Variants in ESRRG observed in about 807,000 individuals in gnomAD.
ESRRG encodes the protein estrogen-related receptor gamma.
A neutral mutation model predicts 44.0 loss-of-function variants in ESRRG; 13 were observed. The ratio of observed to expected loss-of-function variants is 0.30; its 90% CI spans 0.19 to 0.47. The LOEUF is 0.47. Ranked by LOEUF, ESRRG falls within the 20% of genes least tolerant of loss-of-function variation. The pLI is 1.00. For missense variants in ESRRG, 395 were observed against 580.6 expected (o/e 0.68, Z 3.29); for synonymous variants, 215 against 214.6 (o/e 1.00, Z -0.02).
At chr1:216,762,655 T>C (rs907137340) in intron 2 of ESRRG, among the ~76,000 whole-genome samples, 1 of 151,880 alleles carries the variant, frequency 6.6e-6, no homozygotes, top group Non-Finnish European at 1.5e-5. Context: ...TGTATACATA[T>C]GTAACTAACC....
In ESRRG at chr1:216,504,537, TGGGTTGATGTTTCATCAACCCA is replaced by T. The variant is rs1413848121; in HGVS notation, c.*2380_*2401del. 6.6e-6 allele frequency: 1 copy of T among 152,594 alleles called. No individual in the cohort carries two copies. Among genetic ancestry groups the T allele is most frequent in the African/African-American group, 2.4e-5 (1 of 41,462 alleles). The allele number at this position is 152,594 out of a possible 1,614,324, so 9.5% of individuals were successfully genotyped here. The stretch of plus-strand genomic sequence containing the variant: ...GATAGATACACAGTATTCCTAGCAC[TGGGTTGATGTTTCATCAACCCA>T]AGGTATTTTGTTTAAAGCACACAAA... On this transcript the variant is annotated 3_prime_UTR_variant, in exon 7 of 7. Transcript: ENST00000408911.
chr1:216,736,788 A>G (rs1400836201), intron 2 of ESRRG, among the ~76,000 whole-genome samples: 1 of 152,148 alleles, frequency 6.6e-6, no homozygotes, highest in Non-Finnish European at 1.5e-5. Flanking sequence ...CTACTGGGTC[A>G]GAAACTCTGG....
intron 2 of ESRRG, among the ~76,000 whole-genome samples, chr1:216,779,681 A>G (rs116824451): frequency 0.011 from 1,640 of 147,070 alleles, 26 homozygotes; most frequent in Non-Finnish European, 0.015. Flanking sequence ...TAGATTTAAA[A>G]CTATTTTAGC....
chr1:216,931,846 A>C (rs895011085), intron 2 of ESRRG, among the ~76,000 whole-genome samples: 4 of 151,990 alleles, frequency 2.6e-5, no homozygotes, highest in Non-Finnish European at 4.4e-5. Flanking sequence ...AAAAAAAAAA[A>C]AAAACACAAA....
rs551211581 is a variant in ESRRG at position 216,992,188 on chromosome 1, TGTCA to T, written c.-105-52519_-105-52516del. Among the ~76,000 whole-genome samples the T allele has an allele frequency of 2.0e-3, 311 of 152,358 alleles. 1 individual carries two copies. Among genetic ancestry groups the T allele is most frequent in the African/African-American group, 7.1e-3 (297 of 41,576 alleles). ...ACACACAGTGCTTAAGCTTCCAAGC[TGTCA>T]GTCTTTGTGACTCCCCTTCAGTGAT... On this transcript the variant is annotated intron_variant, in intron 1 of 7. Transcript: ENST00000359162.
chr1:216,659,158 T>C (rs1408997879), intron 2 of ESRRG, among the ~76,000 whole-genome samples: 1 of 152,188 alleles, frequency 6.6e-6, no homozygotes, highest in African/African-American at 2.4e-5. Context: ...AGAACTGTCT[T>C]AACATCCCAT....
chr1:216,617,946 T>C (rs2061642508), intron 3 of ESRRG, among the ~76,000 whole-genome samples: 1 of 152,150 alleles, frequency 6.6e-6, no homozygotes, highest in African/African-American at 2.4e-5. Flanking sequence ...GGTACAGCAA[T>C]ATGGAAGGTT....
chr1:216,512,704 G>T (rs1397293167), intron 6 of ESRRG, among the ~76,000 whole-genome samples: 2 of 151,984 alleles, frequency 1.3e-5, no homozygotes, highest in African/African-American at 4.8e-5. Context: ...CTGAAAAATG[G>T]CCCTGAAGAT....
At chr1:216,689,237 G>T (rs988544183) in intron 1 of ESRRG, among the ~76,000 whole-genome samples, 5 of 152,120 alleles carry the variant, frequency 3.3e-5, no homozygotes, top group Admixed American at 2.0e-4. Flanking sequence ...AGATCCACAG[G>T]CATCCATTAC....
At chr1:217,017,574 A>C (rs1382682869) in intron 1 of ESRRG, among the ~76,000 whole-genome samples, 1 of 151,880 alleles carries the variant, frequency 6.6e-6, no homozygotes, top group Non-Finnish European at 1.5e-5. Flanking sequence ...TCACAGAAAG[A>C]GGGAAAATTA....
intron 5 of ESRRG, among the ~76,000 whole-genome samples, chr1:216,559,319 T>C (rs2058243004): frequency 6.6e-6 from 1 of 152,190 alleles, no homozygotes; most frequent in Non-Finnish European, 1.5e-5. Flanking sequence ...AAGTTAATCC[T>C]GAAAAAAGAG....
intron 2 of ESRRG, among the ~76,000 whole-genome samples, chr1:216,933,406 T>C (rs576968583): frequency 1.3e-5 from 2 of 152,084 alleles, no homozygotes; most frequent in South Asian, 4.2e-4. Flanking sequence ...CATGCTCATC[T>C]GGTAAATTTT....
intron 2 of ESRRG, among the ~76,000 whole-genome samples, chr1:216,749,523 T>C (rs1259990467): frequency 1.3e-5 from 2 of 152,188 alleles, no homozygotes; most frequent in East Asian, 3.9e-4. Flanking sequence ...TTCCCTGTGC[T>C]GTGGAGATCA....
intron 1 of ESRRG, among the ~76,000 whole-genome samples, chr1:216,695,716 T>C (rs1351128175): frequency 1.3e-5 from 2 of 152,180 alleles, no homozygotes; most frequent in Non-Finnish European, 2.9e-5. Context: ...CCTGATCTTA[T>C]GAGTTTCTAT....
intron 5 of ESRRG, among the ~76,000 whole-genome samples, chr1:216,526,728 C>T (rs2047772245): frequency 6.6e-6 from 1 of 152,166 alleles, no homozygotes; most frequent in Non-Finnish European, 1.5e-5. Context: ...CCAACAGTTT[C>T]TAATTCAGAA....
chr1:216,549,405 G>A (rs924966966), intron 5 of ESRRG, among the ~76,000 whole-genome samples: 2 of 152,050 alleles, frequency 1.3e-5, no homozygotes, highest in African/African-American at 2.4e-5. Flanking sequence ...AACCAAGAGA[G>A]ATTGGGGAGG....
intron 2 of ESRRG, among the ~76,000 whole-genome samples, chr1:216,850,791 A>T (rs2095830729): frequency 6.6e-6 from 1 of 152,054 alleles, no homozygotes; most frequent in Admixed American, 6.6e-5. Context: ...CATAAGTTTC[A>T]TATTTTTCAT....
chr1:216,804,879 C>G (rs1377614975), intron 2 of ESRRG: 1 of 152,106 alleles, frequency 6.6e-6, no homozygotes, highest in Non-Finnish European at 1.5e-5. Flanking sequence ...TTCATTGTCA[C>G]ATTTCCCTCT....
intron 1 of ESRRG, among the ~76,000 whole-genome samples, chr1:217,133,622 T>C (rs552864113): frequency 3.9e-5 from 1 of 25,896 alleles, no homozygotes; most frequent in African/African-American, 1.3e-4. Context: ...TCTTTCTTTC[T>C]TTCTTTCTTT....
Sources: allele counts gnomAD v4.1 joint callset (sites outside exome capture counted in the v4.1 genomes callset), GRCh38; gene constraint gnomAD v4.1.1; transcripts MANE v1.5; gene names NCBI Gene and HGNC (gene_info 2026-07-23, HGNC 2026-07-21).